GPT2: variants seen among roughly 807,000 people sequenced by gnomAD.
GPT2 encodes the protein glutamic--pyruvic transaminase 2, also known as alanine aminotransferase 2.
In GPT2, 30 loss-of-function variants were observed where a neutral mutation model predicts 56.9. The ratio of observed to expected loss-of-function variants is 0.53; its 90% confidence interval spans 0.39 to 0.72. GPT2 has a LOEUF of 0.72. GPT2 is among the 30% of genes least tolerant of loss of function. The pLI is 0.00. For synonymous variants in GPT2, 271 were observed against 283.1 expected (o/e 0.96, Z 0.43); for missense variants, 542 against 703.4 (o/e 0.77, Z 2.60).
intron 5 of GPT2, 83 bp from the exon 6 acceptor site, chr16:46,909,601 G>T: frequency 1.3e-6 from 2 of 1,487,208 alleles, no homozygotes; most frequent in Admixed American, 3.7e-5. Flanking sequence ...TGGACTGGAG[G>T]CATGCAGTGG....
chr16:46,906,688 C>G (rs1239047279), intron 4 of GPT2, among the ~76,000 whole-genome samples, 154 bp from the exon 5 acceptor site: 2 of 152,106 alleles, frequency 1.3e-5, no homozygotes, highest in African/African-American at 4.8e-5. Context: ...GGTGGTTAAG[C>G]AGTTTCCCAC....
chr16:46,903,834 A>G (rs1307130741), intron 4 of GPT2, among the ~76,000 whole-genome samples: 1 of 152,222 alleles, frequency 6.6e-6, no homozygotes, highest in Admixed American at 6.5e-5. Flanking sequence ...TGGGAGAAAC[A>G]AACATGAAAA....
At position 46,884,820 on chromosome 16, in the gene GPT2, C is replaced by G. The variant is rs1390174106; in HGVS notation, c.105C>G (p.Leu35=). The G allele has an allele frequency of 6.5e-6, 10 of 1,535,106 alleles. No individual in the cohort carries two copies. Among genetic ancestry groups the G allele is most frequent in the Non-Finnish European group, 8.8e-6 (10 of 1,141,428 alleles). Residue 35 remains leucine (L), a synonymous_variant, in exon 2 of 12, where the codon CTC becomes CTG. Coordinates refer to ENST00000340124, the MANE Select transcript of GPT2 (RefSeq NM_133443.4). ...CGGCCGCCGAGGCCTCGGCGGTGCT[C>G]AAGGTGCGGCCCGAGCGCAGCCGGC... ...SSAAAEASAV[L]KVRPERSRRE...
intron 6 of GPT2, among the ~76,000 whole-genome samples, chr16:46,912,389 C>T (rs929819775): frequency 1.3e-5 from 2 of 152,178 alleles, no homozygotes; most frequent in East Asian, 3.9e-4. Context: ...TTGCCATCAG[C>T]TGAGCTGCCT....
intron 2 of GPT2, among the ~76,000 whole-genome samples, chr16:46,892,055 GACCAACATTGCCAC>G (rs1960597258): frequency 6.6e-6 from 1 of 152,066 alleles, no homozygotes; most frequent in Admixed American, 6.6e-5. Flanking sequence ...TGTACCCTTT[GACCAACATTGCCAC>G]ATATGCACTC....
Position 46,900,720 on chromosome 16 carries a change from C to T in GPT2, c.372C>T (p.Ser124=), listed in dbSNP as rs759683782. Residue 124 remains serine, a synonymous_variant, in exon 4 of 12, where the codon AGC becomes AGT. Transcript: ENST00000340124. ...GCACCTACCCAAACCTGCTGGACAG[C>T]CCCAGCTTCCCAGAAGATGCTAAGA... is the stretch of plus-strand genomic sequence containing the variant. The part of the protein sequence containing the change: ...ALCTYPNLLD[S]PSFPEDAKKR... 2.5e-6 allele frequency: 4 copies of T among 1,613,996 alleles called. No homozygotes were observed. In the South Asian group the frequency reaches 4.4e-5, roughly 18 times the overall value.
At chr16:46,927,857 G>C (rs183385420) in intron 11 of GPT2, among the ~76,000 whole-genome samples, 10 of 152,194 alleles carry the variant, frequency 6.6e-5, no homozygotes, top group East Asian at 3.9e-4. Context: ...GCATTTTGGT[G>C]CACCAGAGGG....
chr16:46,901,601 A>G (rs539544690), intron 4 of GPT2, among the ~76,000 whole-genome samples: 1 of 152,314 alleles, frequency 6.6e-6, no homozygotes, highest in Non-Finnish European at 1.5e-5. Flanking sequence ...GAGTCTTCCT[A>G]GGATATGAGC....
At position 46,909,930 on chromosome 16, in the gene GPT2, C is replaced by G. The variant is rs371733226; in HGVS notation, c.820+3C>G. On this transcript the variant is annotated splice_donor_region_variant and intron_variant, in intron 6 of 11. Coordinates refer to ENST00000340124, the MANE Select transcript of GPT2 (RefSeq NM_133443.4). ...AATCAACCCTGGGAACCCCACAGGT[C>G]TGCACTTTACTTCCTCACCAGTTTC... 16 of 1,592,468 alleles carry G rather than the reference C, an allele frequency of 1.0e-5. No homozygotes were observed. Among genetic ancestry groups the G allele is most frequent in the Admixed American group, 1.7e-5 (1 of 58,548 alleles).
intron 2 of GPT2, among the ~76,000 whole-genome samples, chr16:46,893,978 G>A (rs1226363795): frequency 6.6e-6 from 1 of 152,178 alleles, no homozygotes; most frequent in Non-Finnish European, 1.5e-5. Context: ...CCCATCCCAT[G>A]TAGACCTTGA....
At position 46,909,677 on chromosome 16, in the gene GPT2, G is replaced by A. The variant is rs1370519851; in HGVS notation, c.577-7G>A. 5.6e-6 allele frequency: 9 copies of A among 1,612,314 alleles called. No homozygotes were observed. In the Admixed American group the frequency reaches 1.3e-4, roughly 24 times the overall value. The stretch of plus-strand genomic sequence containing the variant: ...CTGGCTTTCTAGATGTGAATTCTCT[G>A]TTGCAGACGATCCTGAAGATCCTCG... On this transcript the variant is annotated splice_region_variant and splice_polypyrimidine_tract_variant and intron_variant, in intron 5 of 11. Coordinates refer to ENST00000340124, the MANE Select transcript of GPT2 (RefSeq NM_133443.4).
chr16:46,912,287 G>A (rs1199284158), intron 6 of GPT2, among the ~76,000 whole-genome samples: 1 of 152,178 alleles, frequency 6.6e-6, no homozygotes, highest in Admixed American at 6.5e-5. Context: ...CCGTGTCACA[G>A]GAGCCTCGGT....
At chr16:46,887,808 C>G (rs1362224563) in intron 2 of GPT2, among the ~76,000 whole-genome samples, 3 of 152,074 alleles carry the variant, frequency 2.0e-5, no homozygotes, top group Non-Finnish European at 4.4e-5. Context: ...CAAGCTGAGT[C>G]CCTATCCTTT....
intron 6 of GPT2, 127 bp downstream of exon 6, chr16:46,910,054 C>T (rs1961015995): frequency 7.7e-7 from 1 of 1,300,766 alleles, no homozygotes. Flanking sequence ...GATTTGCTAA[C>T]CTAAAGCCAT....
chr16:46,924,555 T>C lies in GPT2; in HGVS notation c.1368+11T>C, dbSNP rs759346880. The C allele has an allele frequency of 1.9e-6, 3 of 1,612,970 alleles. No homozygotes were observed. Among genetic ancestry groups the C allele is most frequent in the Non-Finnish European group, 2.5e-6 (3 of 1,179,234 alleles). On this transcript the variant is annotated intron_variant, in intron 10 of 11. Coordinates refer to ENST00000340124, the MANE Select transcript of GPT2 (RefSeq NM_133443.4). ...GTGGAGGCTGCTCAGGTCTGGGGCA[T>C]GGGCTGGGCTGGCTCTCTCTTACCA...
rs1961222687 is a variant in GPT2 at position 46,918,742 on chromosome 16, A to C, written c.1022A>C (p.Lys341Thr). 6.2e-7 allele frequency: 1 copy of C among 1,614,010 alleles called. No individual in the cohort carries two copies. Among genetic ancestry groups the C allele is most frequent in the Non-Finnish European group, 8.5e-7 (1 of 1,179,980 alleles). ...VELASFHSTS[K>T]GYMGECGYRG... is the part of the protein sequence containing the mutation. Reference sequence around the variant, plus strand: ...CTCGCCTCCTTCCACTCCACCTCCAAGGGCTACATGGGCGAGTACGTGGGC... The same window carrying C: ...CTCGCCTCCTTCCACTCCACCTCCACGGGCTACATGGGCGAGTACGTGGGC... The change falls in exon 8 of 12, where the codon AAG becomes ACG. Residue 341 changes from lysine (K) to threonine (T), a missense_variant. Lys to Thr is a moderately conservative substitution (Grantham distance 78, BLOSUM62 -1). Coordinates refer to ENST00000340124, the MANE Select transcript of GPT2 (RefSeq NM_133443.4).
Position 46,916,782 on chromosome 16 carries a change from C to G in GPT2, c.900+75C>G, listed in dbSNP as rs536959596. 20 of 1,010,294 alleles carry G rather than the reference C, an allele frequency of 2.0e-5. No homozygotes were observed. In the South Asian group the frequency reaches 2.0e-4, roughly 10 times the overall value. 62.6% of individuals were successfully genotyped at this position (1,010,294 alleles called of 1,614,324 possible). On this transcript the variant is annotated intron_variant, in intron 7 of 11. Coordinates refer to ENST00000340124, the MANE Select transcript of GPT2 (RefSeq NM_133443.4). ...AGGGAGGGACCCAGCCCCCATTGTTCTGCAGCCAGAGAGAACTGTCTTGGT... is the reference window on the plus strand; with the variant it reads ...AGGGAGGGACCCAGCCCCCATTGTTGTGCAGCCAGAGAGAACTGTCTTGGT...
In GPT2 at chr16:46,930,849, A is replaced by G. The variant is rs1387832955; in HGVS notation, c.*1852A>G. 1 of 152,668 alleles carries G rather than the reference A, an allele frequency of 6.6e-6. No individual in the cohort carries two copies. The highest frequency in any genetic ancestry group is 2.4e-5 in the African/African-American group (1 of 41,466). The allele number at this position is 152,668 out of a possible 1,614,324, so 9.5% of individuals were successfully genotyped here. A position where few individuals can be genotyped will look rare whatever the true frequency, so the allele number is the denominator to read the frequency against. ...ACAGTTTTTTAAAAAGAGACTGTAT[A>G]CACTTGATTTGCTTTCAAAATAAAT... On this transcript the variant is annotated 3_prime_UTR_variant, in exon 12 of 12. Transcript: ENST00000340124.
intron 6 of GPT2, among the ~76,000 whole-genome samples, chr16:46,910,289 G>A (rs1461191922): frequency 7.1e-6 from 1 of 141,010 alleles, no homozygotes; most frequent in African/African-American, 2.6e-5. Flanking sequence ...GCTGAAGCAT[G>A]AGATTTGCTT....
Sources: allele counts gnomAD v4.1 joint callset (sites outside exome capture counted in the v4.1 genomes callset), GRCh38; gene constraint gnomAD v4.1.1; transcripts MANE v1.5; gene names NCBI Gene and HGNC (gene_info 2026-07-23, HGNC 2026-07-21).